Variants in SH3RF3 observed in about 807,000 individuals in gnomAD.
SH3RF3 encodes the protein SH3 domain containing ring finger 3, also known as E3 ubiquitin-protein ligase SH3RF3.
In SH3RF3, 29 loss-of-function variants were observed where a neutral mutation model predicts 66.3. The ratio of observed to expected loss-of-function variants is 0.44; its 90% CI spans 0.33 to 0.60. SH3RF3 has a LOEUF of 0.60. SH3RF3 is among the 20% of genes least tolerant of loss of function. The probability of loss-of-function intolerance (pLI) is 0.04; values close to 1 mark genes in which losing one functional copy is unlikely to be tolerated. For synonymous variants in SH3RF3, 583 were observed against 532.0 expected, an observed-to-expected ratio of 1.10 and a Z score of -1.32; for missense variants, 1,194 against 1,190.9, an observed-to-expected ratio of 1.00 and a Z score of -0.04.
chr2:109,173,210 T>C (rs951558172), intron 1 of SH3RF3, among the ~76,000 whole-genome samples: 3 of 152,212 alleles, frequency 2.0e-5, no homozygotes, highest in Admixed American at 6.5e-5. Context: ...TCATGGTTCT[T>C]AGAATTCTGT....
In SH3RF3 at chr2:109,357,110, C is replaced by T. The variant is rs192944024; in HGVS notation, c.849+9161C>T. 1.5e-3 allele frequency among the ~76,000 whole-genome samples: 225 copies of T among 150,728 alleles called. 3 individuals are homozygous for T. The highest frequency in any genetic ancestry group is 5.3e-3 in the African/African-American group (220 of 41,246). On this transcript the variant is annotated intron_variant, in intron 2 of 9. Coordinates refer to ENST00000309415, the MANE Select transcript of SH3RF3 (RefSeq NM_001099289.3). ...ATATATATTTAATACTTATACATAA[C>T]ATATCAGAAAGTTCACTAATCATAA...
chr2:109,213,273 C>T (rs984939971), intron 1 of SH3RF3, among the ~76,000 whole-genome samples: 1 of 152,228 alleles, frequency 6.6e-6, no homozygotes, highest in Admixed American at 6.5e-5. Context: ...CTTCCTCCCT[C>T]TTTGCCCTTC....
rs375282176 is a variant in SH3RF3, at chr2:109,212,132, C to T, written c.573+82019C>T. The stretch of plus-strand genomic sequence containing the variant: ...CGGCTTGCCGGGCAATGGTCCGAAT[C>T]GAGCCTCTGGGTGGCTGTGGTTTTG... On this transcript the variant is annotated intron_variant, in intron 1 of 9. Transcript: ENST00000309415. Among the ~76,000 whole-genome samples the T allele has an allele frequency of 1.2e-3, 178 of 152,270 alleles. 3 individuals carry two copies. In the South Asian group the frequency reaches 0.035, roughly 30 times the overall value.
chr2:109,377,798 C>T (rs139581450), intron 3 of SH3RF3, among the ~76,000 whole-genome samples: 210 of 152,314 alleles, frequency 1.4e-3, no homozygotes, highest in African/African-American at 4.9e-3. Context: ...GTTCCTCCTG[C>T]TCCTGTAGCA....
intron 5 of SH3RF3, among the ~76,000 whole-genome samples, chr2:109,429,189 C>G (rs1351422732): frequency 6.6e-6 from 1 of 152,166 alleles, no homozygotes; most frequent in African/African-American, 2.4e-5. Flanking sequence ...TCTTGAGTAC[C>G]TCAGAGAGGA....
At chr2:109,130,911 A>G (rs1187864723) in intron 1 of SH3RF3, among the ~76,000 whole-genome samples, 2 of 152,204 alleles carry the variant, frequency 1.3e-5, no homozygotes, top group African/African-American at 4.8e-5. Context: ...CACCTTGTGA[A>G]CAGTTACCAG....
intron 1 of SH3RF3, among the ~76,000 whole-genome samples, chr2:109,321,229 A>G (rs973216227): frequency 2.6e-5 from 4 of 152,230 alleles, no homozygotes; most frequent in African/African-American, 7.2e-5. Flanking sequence ...CAAACCTTAT[A>G]TCCTCGGATT....
At chr2:109,141,682 G>A (rs1159450730) in intron 1 of SH3RF3, 1 of 154,812 alleles carries the variant, frequency 6.5e-6, no homozygotes, top group Non-Finnish European at 1.5e-5. Context: ...TGACAGAAGA[G>A]TTAGGACCCA....
chr2:109,337,199 TGATTTAAA>T (rs2105512143), intron 1 of SH3RF3, among the ~76,000 whole-genome samples: 1 of 152,296 alleles, frequency 6.6e-6, no homozygotes, highest in East Asian at 1.9e-4. Flanking sequence ...ATTGGCCACA[TGATTTAAA>T]GATTTGTAAA....
chr2:109,146,927 G>C (rs921900205), intron 1 of SH3RF3, among the ~76,000 whole-genome samples: 7 of 118,480 alleles, frequency 5.9e-5, no homozygotes, highest in African/African-American at 2.3e-4. Context: ...GAAGGCCTCA[G>C]AGTCCTGTTA....
intron 1 of SH3RF3, among the ~76,000 whole-genome samples, chr2:109,155,164 A>T (rs2104885744): frequency 6.6e-6 from 1 of 152,292 alleles, no homozygotes; most frequent in African/African-American, 2.4e-5. Context: ...GGTGTTCGGC[A>T]TTTTGCAAAC....
intron 1 of SH3RF3, among the ~76,000 whole-genome samples, chr2:109,232,902 GACAA>G (rs1558971933): frequency 6.6e-6 from 1 of 152,114 alleles, no homozygotes; most frequent in East Asian, 1.9e-4. Context: ...TGTGAGTTTT[GACAA>G]ACAACTGCAG....
intron 1 of SH3RF3, among the ~76,000 whole-genome samples, chr2:109,191,491 A>G (rs925016339): frequency 1.3e-5 from 2 of 152,194 alleles, no homozygotes; most frequent in Admixed American, 6.5e-5. Context: ...TTCATCTTCC[A>G]TCCTCATTCT....
chr2:109,329,859 TAA>T (rs1682245840), intron 1 of SH3RF3, among the ~76,000 whole-genome samples: 1 of 152,124 alleles, frequency 6.6e-6, no homozygotes, highest in African/African-American at 2.4e-5. Context: ...AAGAGAGAAA[TAA>T]AAGTTATATG....
chr2:109,467,550 A>G (rs561461972), intron 8 of SH3RF3, among the ~76,000 whole-genome samples: 12 of 152,362 alleles, frequency 7.9e-5, no homozygotes, highest in Admixed American at 5.2e-4. Context: ...CACATCGCCC[A>G]GATGGTGGGG....
At chr2:109,159,399 C>T (rs141600424) in intron 1 of SH3RF3, among the ~76,000 whole-genome samples, 6 of 152,340 alleles carry the variant, frequency 3.9e-5, no homozygotes, top group East Asian at 1.9e-4. Context: ...GGAACCAGGG[C>T]GGGCATGAGG....
chr2:109,327,374 C>G (rs753461662), intron 1 of SH3RF3, among the ~76,000 whole-genome samples: 3 of 152,186 alleles, frequency 2.0e-5, no homozygotes, highest in Non-Finnish European at 4.4e-5. Context: ...TTCCATCGGT[C>G]TATTTGTCTA....
chr2:109,131,833 T>G (rs1329881702), intron 1 of SH3RF3, among the ~76,000 whole-genome samples: 1 of 152,194 alleles, frequency 6.6e-6, no homozygotes, highest in Non-Finnish European at 1.5e-5. Context: ...CTTTTTGTGT[T>G]TTTGGGATGT....
chr2:109,213,899 G>T (rs532647269), intron 1 of SH3RF3, among the ~76,000 whole-genome samples: 1 of 152,294 alleles, frequency 6.6e-6, no homozygotes, highest in East Asian at 1.9e-4. Flanking sequence ...AAAGCCTCCC[G>T]GGACACTGGT....
Sources: gnomAD v4.1 joint callset for allele counts (sites outside exome capture counted in the v4.1 genomes callset) on GRCh38, gnomAD v4.1.1 for gene constraint, MANE v1.5 for transcripts, NCBI Gene and HGNC (gene_info 2026-07-23, HGNC 2026-07-21) for gene names.